BMP1: variants seen among roughly 807,000 people sequenced by gnomAD.
BMP1 encodes mammalian tolloid protein.
Under a neutral mutation model 116.8 loss-of-function variants are expected in BMP1, and 63 were observed. The ratio of observed to expected loss-of-function variants is 0.54; its 90% CI spans 0.44 to 0.67. The LOEUF is 0.67. Ranked by LOEUF, BMP1 falls within the 30% of genes least tolerant of loss-of-function variation. BMP1 has a pLI of 0.00. For missense variants in BMP1, 1,183 were observed against 1,358.9 expected (o/e 0.87, Z 2.04); for synonymous variants, 536 against 533.4 (o/e 1.00, Z -0.07).
chr8:22,185,994 C>T (rs541839963), intron 8 of BMP1, among the ~76,000 whole-genome samples: 5 of 152,216 alleles, frequency 3.3e-5, no homozygotes, highest in African/African-American at 1.2e-4. Context: ...TGCCACCACG[C>T]CCGGCTAATT....
At chr8:22,184,519 G>C (rs546166332) in intron 8 of BMP1, among the ~76,000 whole-genome samples, 3 of 152,336 alleles carry the variant, frequency 2.0e-5, no homozygotes, top group South Asian at 2.1e-4. Context: ...CCACAGTCCT[G>C]AATGAAATTG....
intron 8 of BMP1, among the ~76,000 whole-genome samples, chr8:22,185,828 C>CTTTTTTTTTT (rs71204540): frequency 1.4e-4 from 11 of 80,958 alleles, no homozygotes; most frequent in African/African-American, 3.7e-4. Flanking sequence ...CACTGTCTTT[C>CTTTTTTTTTT]TTTTTTTTTT....
chr8:22,176,018 A>G, intron 2 of BMP1, 125 bp from the exon 3 acceptor site: 1 of 989,042 alleles, frequency 1.0e-6, no homozygotes. Flanking sequence ...TTTGGGGACT[A>G]CGAATAAATT....
At position 22,180,465 on chromosome 8, in the gene BMP1, T is replaced by C. The variant is rs755452404; in HGVS notation, c.1059T>C (p.Ser353=). The change falls in exon 8 of 20, where the codon TCT becomes TCC. Residue 353 remains serine (S), a synonymous_variant. Coordinates refer to ENST00000306385, the MANE Select transcript of BMP1 (RefSeq NM_006129.5). ...SAHMHCVWRI[S]VTPGEKIILN... ...ACATGCACTGCGTGTGGCGCATCTCTGTCACACCCGGGGAGAAGGTACGTG... is the reference window on the plus strand; with the variant it reads ...ACATGCACTGCGTGTGGCGCATCTCCGTCACACCCGGGGAGAAGGTACGTG... The C allele has an allele frequency of 1.7e-5, 27 of 1,613,606 alleles. No individual in the cohort carries two copies. Among genetic ancestry groups the C allele is most frequent in the Non-Finnish European group, 2.3e-5 (27 of 1,179,636 alleles).
intron 1 of BMP1, 29 bp downstream of exon 1, chr8:22,165,582 G>T (rs1039129623): frequency 6.4e-7 from 1 of 1,551,626 alleles, no homozygotes; most frequent in African/African-American, 1.4e-5. Context: ...CCCGGCGACG[G>T]GCCAGGCGGG....
intron 9 of BMP1, chr8:22,192,470 C>T: frequency 4.1e-6 from 1 of 245,638 alleles, no homozygotes; most frequent in Non-Finnish European, 8.0e-6. Context: ...CTGTTCTGCG[C>T]ATCCCCATGG....
At position 22,201,907 on chromosome 8, in the gene BMP1, A is replaced by G. The variant is rs1829273118; in HGVS notation, c.2212A>G (p.Asn738Asp). The G allele has an allele frequency of 1.9e-6, 3 of 1,613,616 alleles. No homozygotes were observed. In the Admixed American group the frequency reaches 5.0e-5, roughly 27 times the overall value. The change falls in exon 16 of 20, where the codon AAC (asparagine) becomes GAC (aspartate). Residue 738 changes from asparagine (N) to aspartate (D), a missense_variant. Physicochemically the swap from Asn to Asp is conservative, Grantham distance 23. Coordinates refer to ENST00000306385, the MANE Select transcript of BMP1 (RefSeq NM_006129.5). ...QCRSGFVLHD[N>D]KHDCKEAGCD... ...CCGCAGTGGCTTCGTCCTCCATGAC[A>G]ACAAGCACGACTGCAAAGAAGGTAC...
At position 22,207,473 on chromosome 8, in the gene BMP1, T is replaced by C. The variant is rs982553689; in HGVS notation, c.2532T>C (p.Asp844=). Residue 844 remains aspartate, a synonymous_variant, in exon 18 of 20, where the codon GAT becomes GAC. Coordinates refer to ENST00000306385, the MANE Select transcript of BMP1 (RefSeq NM_006129.5). ...GCATGTTCCTGCGCTTCTACTCAGA[T>C]AACTCGGTCCAGCGAAAGGGCTTCC... ...GSRMFLRFYS[D]NSVQRKGFQA... 12 of 1,613,862 alleles carry C rather than the reference T, an allele frequency of 7.4e-6. No homozygotes were observed. In the African/African-American group the frequency reaches 8.0e-5, roughly 11 times the overall value.
At chr8:22,184,344 A>G (rs1466441609) in intron 8 of BMP1, among the ~76,000 whole-genome samples, 1 of 152,240 alleles carries the variant, frequency 6.6e-6, no homozygotes, top group Non-Finnish European at 1.5e-5. Flanking sequence ...CCTTGCCCCA[A>G]AAGCATCTCT....
chr8:22,206,105 G>A (rs904227547), intron 16 of BMP1, among the ~76,000 whole-genome samples: 12 of 152,158 alleles, frequency 7.9e-5, no homozygotes, highest in East Asian at 1.9e-4. Context: ...AGTGGCTCAC[G>A]CCTGTAATCC....
At chr8:22,166,272 G>A (rs546122449) in intron 1 of BMP1, among the ~76,000 whole-genome samples, 1 of 152,152 alleles carries the variant, frequency 6.6e-6, no homozygotes, top group East Asian at 1.9e-4. Flanking sequence ...TGGAAAGAGG[G>A]AAAATACAAA....
chr8:22,173,604 G>T lies in BMP1; in HGVS notation c.151G>T (p.Ala51Ser), dbSNP rs1586436524. The change falls in exon 2 of 20, where the codon GCC becomes TCC. Residue 51 changes from alanine to serine, a missense_variant and splice_region_variant. Around this residue, in one of 4 missense-constraint regions of BMP1, gnomAD observed 185 missense variants for 158.9 expected, o/e 1.16. Coordinates refer to ENST00000306385, the MANE Select transcript of BMP1 (RefSeq NM_006129.5). ...CTGGCTTCTTCTTTTCTCTTTAGCT[G>T]CCTTTCTTGGGGACATTGCCCTGGA... ...LNYKDPCKAAAFLGDIALDEE... is the reference protein window; with the variant it reads ...LNYKDPCKAASFLGDIALDEE... 1 of 1,608,748 alleles carries T rather than the reference G, an allele frequency of 6.2e-7. No individual in the cohort carries two copies. Among genetic ancestry groups the T allele is most frequent in the South Asian group, 1.1e-5 (1 of 90,500 alleles).
At chr8:22,180,792 T>C (rs1006884338) in intron 8 of BMP1, among the ~76,000 whole-genome samples, 1 of 152,246 alleles carries the variant, frequency 6.6e-6, no homozygotes, top group Non-Finnish European at 1.5e-5. Flanking sequence ...TTTTTACGGC[T>C]ACCTCCACCT....
intron 4 of BMP1, 58 bp from the exon 5 acceptor site, chr8:22,176,903 T>G: frequency 2.0e-6 from 2 of 979,580 alleles, no homozygotes; most frequent in Non-Finnish European, 2.9e-6. Flanking sequence ...GCCCCGCCCC[T>G]GAGTGGATGC....
At chr8:22,210,768 C>T (rs1829450174) in intron 19 of BMP1, among the ~76,000 whole-genome samples, 1 of 152,226 alleles carries the variant, frequency 6.6e-6, no homozygotes, top group Admixed American at 6.5e-5. Context: ...CCCCTCCCCT[C>T]TTTGCTCTTT....
At chr8:22,201,634 A>C (rs1829265279) in intron 15 of BMP1, 169 bp from the exon 16 acceptor site, 1 of 1,361,924 alleles carries the variant, frequency 7.3e-7, no homozygotes, top group Admixed American at 2.6e-5. Context: ...GCCCCTTTGG[A>C]CCCCCTTGTC....
At chr8:22,201,750 C>T (rs1829267593) in intron 15 of BMP1, 53 bp from the exon 16 acceptor site, 4 of 1,604,892 alleles carry the variant, frequency 2.5e-6, no homozygotes, top group Non-Finnish European at 3.4e-6. Context: ...CTGGGGCATC[C>T]CAACCTCAGC....
chr8:22,205,437 A>G (rs1484224538), intron 16 of BMP1, among the ~76,000 whole-genome samples: 3 of 152,140 alleles, frequency 2.0e-5, no homozygotes, highest in Non-Finnish European at 4.4e-5. Flanking sequence ...AGGAGGAAAT[A>G]GTGGGAGAGA....
intron 4 of BMP1, 108 bp downstream of exon 4, chr8:22,176,758 C>A: frequency 8.0e-7 from 1 of 1,257,242 alleles, no homozygotes; most frequent in Non-Finnish European, 1.2e-6. Flanking sequence ...GTCCCTTTAT[C>A]CCCTCCTGCT....
Sources: allele counts gnomAD v4.1 joint callset (sites outside exome capture counted in the v4.1 genomes callset), GRCh38; gene constraint gnomAD v4.1.1; regional missense constraint gnomAD v4.1.1; transcripts MANE v1.5; gene names NCBI Gene and HGNC (gene_info 2026-07-23, HGNC 2026-07-21).